CAPN2: variants seen among roughly 807,000 people sequenced by gnomAD.
CAPN2 encodes calpain-2 catalytic subunit.
In CAPN2, 92 loss-of-function variants were observed where a neutral mutation model predicts 102.3. The observed-to-expected ratio is 0.90, with a 90% CI of 0.76 to 1.07. The LOEUF is 1.07. Among genes scored for constraint, CAPN2 ranks in the 50% least tolerant of loss-of-function variants. The probability of loss-of-function intolerance (pLI) is 0.00; values close to 1 mark genes in which losing one functional copy is unlikely to be tolerated. For missense variants in CAPN2, 800 were observed against 909.4 expected, an observed-to-expected ratio of 0.88 and a Z score of 1.55; for synonymous variants, 340 against 355.4, an observed-to-expected ratio of 0.96 and a Z score of 0.49.
intron 2 of CAPN2, among the ~76,000 whole-genome samples, chr1:223,735,381 A>T (rs1247562066): frequency 6.6e-6 from 1 of 152,032 alleles, no homozygotes; most frequent in Non-Finnish European, 1.5e-5. Context: ...TACAAAAATT[A>T]GCTGGGCATG....
At chr1:223,734,223 G>C (rs150058574) in intron 2 of CAPN2, among the ~76,000 whole-genome samples, 6 of 151,674 alleles carry the variant, frequency 4.0e-5, no homozygotes, top group African/African-American at 1.5e-4. Flanking sequence ...GGCCACCCTC[G>C]TGTCACCAGC....
intron 2 of CAPN2, among the ~76,000 whole-genome samples, chr1:223,722,792 A>G (rs1488862836): frequency 6.6e-6 from 1 of 152,138 alleles, no homozygotes; most frequent in Non-Finnish European, 1.5e-5. Context: ...ATGAATCAGC[A>G]TTGATGCAGT....
intron 2 of CAPN2, among the ~76,000 whole-genome samples, chr1:223,722,281 C>CTTTTTTTTTTTTT (rs34894876): frequency 1.3e-3 from 108 of 85,422 alleles, no homozygotes; most frequent in Non-Finnish European, 1.8e-3. Context: ...TTCTTTCTTT[C>CTTTTTTTTTTTTT]TTTTTTTTTT....
Position 223,750,910 on chromosome 1 carries a change from A to G in CAPN2, c.834A>G (p.Leu278=), listed in dbSNP as rs1197420300. Residue 278 remains leucine (L), a synonymous_variant, in exon 7 of 21, where the codon CTA becomes CTG. Coordinates refer to ENST00000295006, the MANE Select transcript of CAPN2 (RefSeq NM_001748.5). Reference sequence around the variant, plus strand: ...TGCAGGTTGAAAGTAACGGAAGCCTACAGAAACTGATCCGCATCCGAAATC... The same window carrying G: ...TGCAGGTTGAAAGTAACGGAAGCCTGCAGAAACTGATCCGCATCCGAAATC... ...GAEEVESNGS[L]QKLIRIRNPW... 3.9e-6 allele frequency: 6 copies of G among 1,552,224 alleles called. No homozygotes were observed. Among genetic ancestry groups the G allele is most frequent in the South Asian group, 1.2e-5 (1 of 84,100 alleles).
chr1:223,714,188 A>G (rs958026221), intron 1 of CAPN2, among the ~76,000 whole-genome samples: 4 of 152,126 alleles, frequency 2.6e-5, no homozygotes, highest in Admixed American at 2.0e-4. Context: ...TAGCATTGTC[A>G]CAGTTTAGAA....
chr1:223,750,942 G>A lies in CAPN2; in HGVS notation c.866G>A (p.Gly289Glu). Residue 289 changes from glycine to glutamate, a missense_variant, in exon 7 of 21, where the codon GGA becomes GAA. Physicochemically the swap from Gly to Glu is moderately conservative, Grantham distance 98. Coordinates refer to ENST00000295006, the MANE Select transcript of CAPN2 (RefSeq NM_001748.5). ...QKLIRIRNPW[G>E]EVEWTGRWND... ...CTGATCCGCATCCGAAATCCCTGGG[G>A]AGAAGTGGAGTGGACAGGGCGGTGG... 6.4e-7 allele frequency: 1 copy of A among 1,552,646 alleles called. No homozygotes were observed. Among genetic ancestry groups the A allele is most frequent in the Non-Finnish European group, 8.7e-7 (1 of 1,147,404 alleles).
intron 1 of CAPN2, among the ~76,000 whole-genome samples, chr1:223,706,206 T>C (rs1659601461): frequency 6.6e-6 from 1 of 152,174 alleles, no homozygotes; most frequent in Admixed American, 6.5e-5. Context: ...TCTCTCCTTC[T>C]ACTGTCAGCA....
intron 15 of CAPN2, 134 bp downstream of exon 15, chr1:223,764,341 T>C: frequency 1.4e-6 from 1 of 728,140 alleles, no homozygotes; most frequent in East Asian, 2.5e-5. Flanking sequence ...AAGAAGTGGA[T>C]GAAGGATTTG....
At position 223,770,446 on chromosome 1, in the gene CAPN2, G is replaced by GA; in HGVS notation, c.1828dup (p.Ile610AsnfsTer8). The GA allele has an allele frequency of 6.2e-7, 1 of 1,612,638 alleles. No homozygotes were observed. Among genetic ancestry groups the GA allele is most frequent in the Non-Finnish European group, 8.5e-7 (1 of 1,178,876 alleles). ...TCTTACAGCTAACTTATGTGTTCCAGAAAATTTACCGAGAAATCGACGTTG... is the reference window on the plus strand; with the variant it reads ...TCTTACAGCTAACTTATGTGTTCCAGAAAAATTTACCGAGAAATCGACGTTG... On this transcript the variant is annotated frameshift_variant and splice_region_variant. Coordinates refer to ENST00000295006, the MANE Select transcript of CAPN2 (RefSeq NM_001748.5). LOFTEE classifies it high-confidence loss of function.
In CAPN2 at chr1:223,726,627, A is replaced by C. The variant is rs1280707106; in HGVS notation, c.307+8796A>C. Among the ~76,000 whole-genome samples the C allele has an allele frequency of 1.3e-5, 2 of 152,290 alleles. No homozygotes were observed. Among genetic ancestry groups the C allele is most frequent in the South Asian group, 2.1e-4 (1 of 4,818 alleles). ...AGATAGGGCAGGGAGAAGGGAAAGG[A>C]AAGGCCTGGGACACGTGGTTTGGAT... On this transcript the variant is annotated intron_variant, in intron 2 of 20. Transcript: ENST00000295006. The surrounding 1 kb of genome is among the most constrained non-coding windows in gnomAD (Gnocchi z 4.4).
At chr1:223,741,468 A>ATATT (rs71166282) in intron 2 of CAPN2, among the ~76,000 whole-genome samples, 1,921 of 138,288 alleles carry the variant, frequency 0.014, 34 homozygotes, top group East Asian at 0.034. Context: ...ATATATATAT[A>ATATT]TTTGAGAGGG....
intron 6 of CAPN2, among the ~76,000 whole-genome samples, chr1:223,750,578 C>T (rs552456649): frequency 6.6e-6 from 1 of 152,188 alleles, no homozygotes; most frequent in African/African-American, 2.4e-5. Context: ...CTCTGAGCTC[C>T]TTTACCAAAA....
chr1:223,750,923 C>T lies in CAPN2; in HGVS notation c.847C>T (p.Arg283Cys), dbSNP rs149096348. 2.0e-4 allele frequency: 316 copies of T among 1,552,628 alleles called. No homozygotes were observed. In the East Asian group the frequency reaches 5.4e-3, roughly 27 times the overall value. The change falls in exon 7 of 21, where the codon CGC becomes TGC. Residue 283 changes from arginine (R) to cysteine (C), a missense_variant. Physicochemically the swap from Arg to Cys is radical, Grantham distance 180. Coordinates refer to ENST00000295006, the MANE Select transcript of CAPN2 (RefSeq NM_001748.5). ...ESNGSLQKLI[R>C]IRNPWGEVEW... ...TAACGGAAGCCTACAGAAACTGATCCGCATCCGAAATCCCTGGGGAGAAGT... is the reference window on the plus strand; with the variant it reads ...TAACGGAAGCCTACAGAAACTGATCTGCATCCGAAATCCCTGGGGAGAAGT...
In CAPN2 at chr1:223,754,235, C is replaced by G. The variant is rs886179141; in HGVS notation, c.1136-1245C>G. The stretch of plus-strand genomic sequence containing the variant: ...ATACCAGGGCCACAGAGCAAGTAGT[C>G]AGACTGCGGCTAGCTGGCCTACAGT... On this transcript the variant is annotated intron_variant, in intron 9 of 20. Coordinates refer to ENST00000295006, the MANE Select transcript of CAPN2 (RefSeq NM_001748.5). The surrounding 1 kb of genome is among the most constrained non-coding windows in gnomAD (Gnocchi z 4.7). Among the ~76,000 whole-genome samples, 1 of 152,230 alleles carries G rather than the reference C, an allele frequency of 6.6e-6. No homozygotes were observed. The highest frequency in any genetic ancestry group is 1.5e-5 in the Non-Finnish European group (1 of 68,040).
chr1:223,772,482 G>A, intron 20 of CAPN2: 1 of 487,822 alleles, frequency 2.0e-6, no homozygotes, highest in East Asian at 3.1e-5. Flanking sequence ...TTTGACTTGA[G>A]TGTAGCTCAA....
rs753334409 is a variant in CAPN2, at chr1:223,759,242, C to T, written c.1318-28C>T. 8 of 1,592,932 alleles carry T rather than the reference C, an allele frequency of 5.0e-6. No homozygotes were observed. Among genetic ancestry groups the T allele is most frequent in the Non-Finnish European group, 6.0e-6 (7 of 1,160,858 alleles). ...TTGCCTGGAGGCTTCCCCTCATCTA[C>T]CCCCATGTTTCTCTATTTATTCCTC... On this transcript the variant is annotated intron_variant, in intron 11 of 20. Transcript: ENST00000295006. This position sits in a 1 kb window ranked among gnomAD's most constrained non-coding sequence, Gnocchi z 4.6.
Position 223,747,143 on chromosome 1 carries a change from C to G in CAPN2, c.707C>G (p.Ser236Cys), listed in dbSNP as rs140704789. The G allele has an allele frequency of 1.5e-4, 240 of 1,613,596 alleles. 3 individuals carry two copies. The South Asian group carries it at 1.5e-3, about 10-fold the overall frequency. ...KIIQKALQKG[S>C]LLGCSIDITS... ...ATCCAGAAAGCTCTGCAAAAAGGCT[C>G]TCTCCTTGGCTGCTCCATCGACGTA... The change falls in exon 5 of 21, where the codon TCT becomes TGT. Residue 236 changes from serine to cysteine, a missense_variant. By Grantham distance (112) the Ser-to-Cys change is moderately radical. Transcript: ENST00000295006.
At chr1:223,741,986 A>G (rs1660629359) in intron 2 of CAPN2, among the ~76,000 whole-genome samples, 1 of 152,184 alleles carries the variant, frequency 6.6e-6, no homozygotes, top group South Asian at 2.1e-4. Flanking sequence ...TAGATCTGTC[A>G]TTAGCGTATA....
rs944278433 is a variant in CAPN2 at position 223,749,127 on chromosome 1, C to G, written c.813+5C>G. On this transcript the variant is annotated splice_donor_5th_base_variant and intron_variant, in intron 6 of 20. Coordinates refer to ENST00000295006, the MANE Select transcript of CAPN2 (RefSeq NM_001748.5). ...TCGGTCACCGGAGCCGAGGAGGTAA[C>G]GGCCGGCGCGGATGTGCAGGGGTCC... The G allele has an allele frequency of 6.2e-7, 1 of 1,613,276 alleles. No homozygotes were observed. Among genetic ancestry groups the G allele is most frequent in the African/African-American group, 1.3e-5 (1 of 74,942 alleles).
Sources: gnomAD v4.1 joint callset for allele counts (sites outside exome capture counted in the v4.1 genomes callset) on GRCh38, gnomAD v4.1.1 for gene constraint, Gnocchi (gnomAD v3.1) non-coding constraint, MANE v1.5 for transcripts, NCBI Gene and HGNC (gene_info 2026-07-23, HGNC 2026-07-21) for gene names.